MGAT5: variants seen among roughly 807,000 people sequenced by gnomAD.
MGAT5 encodes the protein alpha-1,6-mannosylglycoprotein 6-beta-N-acetylglucosaminyltransferase, also known as alpha-1,6-mannosylglycoprotein 6-beta-N-acetylglucosaminyltransferase A.
A neutral mutation model predicts 94.3 loss-of-function variants in MGAT5; 30 were observed. The observed-to-expected ratio is 0.32, with a 90% CI of 0.24 to 0.43. The LOEUF (loss-of-function observed/expected upper bound fraction) is 0.43, where lower values mean the gene tolerates loss of function less well. Ranked by LOEUF, MGAT5 falls within the 20% of genes least tolerant of loss-of-function variation. The pLI, the probability that MGAT5 is intolerant of heterozygous loss-of-function variation, is 1.00. For missense variants in MGAT5, 691 were observed against 905.5 expected, an observed-to-expected ratio of 0.76 and a Z score of 3.04; for synonymous variants, 310 against 322.9, an observed-to-expected ratio of 0.96 and a Z score of 0.43.
intron 1 of MGAT5, among the ~76,000 whole-genome samples, chr2:134,234,027 G>A (rs761511771): frequency 1.3e-4 from 20 of 152,210 alleles, no homozygotes; most frequent in Non-Finnish European, 2.2e-4. Flanking sequence ...AAATCAGAAC[G>A]CTAGATGCTA....
intron 9 of MGAT5, among the ~76,000 whole-genome samples, chr2:134,354,463 T>C (rs1364434783): frequency 1.3e-5 from 2 of 152,180 alleles, no homozygotes; most frequent in Non-Finnish European, 2.9e-5. Flanking sequence ...TGAGGAACAG[T>C]GAAATGAAAT....
intron 11 of MGAT5, among the ~76,000 whole-genome samples, chr2:134,410,082 T>C (rs2118843): frequency 0.83 from 125,668 of 152,198 alleles, 54,135 homozygotes; most frequent in Non-Finnish European, 0.94. Flanking sequence ...TTGGCACTTA[T>C]GTACATTCTT....
chr2:134,300,492 G>A (rs1685948959), intron 2 of MGAT5, among the ~76,000 whole-genome samples: 1 of 152,052 alleles, frequency 6.6e-6, no homozygotes, highest in South Asian at 2.1e-4. Flanking sequence ...TCAGCTTTGG[G>A]CCCAACACTA....
intron 1 of MGAT5, among the ~76,000 whole-genome samples, chr2:134,164,724 A>G (rs1411229714): frequency 6.6e-6 from 1 of 151,852 alleles, no homozygotes; most frequent in Non-Finnish European, 1.5e-5. Flanking sequence ...AAAAGATGAG[A>G]TGTGCTGAGA....
intron 2 of MGAT5, among the ~76,000 whole-genome samples, chr2:134,275,024 C>T (rs147195856): frequency 6.6e-6 from 1 of 152,332 alleles, no homozygotes; most frequent in East Asian, 1.9e-4. Flanking sequence ...CTTTGTGCTG[C>T]TAATGGACCT....
intron 1 of MGAT5, among the ~76,000 whole-genome samples, chr2:134,197,479 T>C (rs1475115367): frequency 6.6e-6 from 1 of 152,204 alleles, no homozygotes; most frequent in Admixed American, 6.5e-5. Context: ...AAAATTGGGA[T>C]TTGAGATTAA....
Position 134,336,308 on chromosome 2 carries a change from T to G in MGAT5, c.645+20T>G. 6.2e-7 allele frequency: 1 copy of G among 1,603,414 alleles called. No homozygotes were observed. The highest frequency in any genetic ancestry group is 8.5e-7 in the Non-Finnish European group (1 of 1,171,308). On this transcript the variant is annotated intron_variant, in intron 5 of 15. Coordinates refer to ENST00000281923, the MANE Select transcript of MGAT5 (RefSeq NM_002410.5). The stretch of plus-strand genomic sequence containing the variant: ...TCATTGGTAAGTGATTTTGGAAAAC[T>G]CTTTCTAGACTTGTGCATTTAGGTC...
chr2:134,373,953 C>A (rs1322272776), intron 10 of MGAT5, among the ~76,000 whole-genome samples: 1 of 152,188 alleles, frequency 6.6e-6, no homozygotes, highest in Non-Finnish European at 1.5e-5. Context: ...TTCAGACACA[C>A]CAAAAATAGG....
intron 2 of MGAT5, among the ~76,000 whole-genome samples, chr2:134,278,314 G>A (rs1684500085): frequency 6.6e-6 from 1 of 152,210 alleles, no homozygotes; most frequent in Admixed American, 6.5e-5. Context: ...TGAGGGCAGA[G>A]ATGGATGGTC....
chr2:134,379,336 T>C (rs1681392095), intron 10 of MGAT5, among the ~76,000 whole-genome samples: 1 of 152,234 alleles, frequency 6.6e-6, no homozygotes, highest in South Asian at 2.1e-4. Flanking sequence ...TTTGTTCTTT[T>C]AGGAATAAAA....
At chr2:134,362,620 AG>A (rs1354436607) in intron 10 of MGAT5, among the ~76,000 whole-genome samples, 2 of 152,182 alleles carry the variant, frequency 1.3e-5, no homozygotes, top group Non-Finnish European at 1.5e-5. Flanking sequence ...GCTGTACAAC[AG>A]CCACCTTCAC....
At chr2:134,252,451 G>A (rs1682667279), upstream of MGAT5, among the ~76,000 whole-genome samples, 1 of 152,190 alleles carries the variant, frequency 6.6e-6, no homozygotes, top group Admixed American at 6.5e-5. Flanking sequence ...TGGAATGTAT[G>A]GGTCTGGAAT....
chr2:134,144,366 G>A (rs1024449840), intron 1 of MGAT5, among the ~76,000 whole-genome samples: 10 of 152,132 alleles, frequency 6.6e-5, no homozygotes, highest in African/African-American at 1.9e-4. Context: ...GAGGCGGGAG[G>A]TGCTACATGC....
intron 11 of MGAT5, among the ~76,000 whole-genome samples, chr2:134,411,805 A>G (rs1303039510): frequency 6.6e-6 from 1 of 152,226 alleles, no homozygotes; most frequent in Non-Finnish European, 1.5e-5. Flanking sequence ...TAGTTGAGCC[A>G]TCTCCTTCAT....
At chr2:134,285,179 A>G (rs1439438208) in intron 2 of MGAT5, among the ~76,000 whole-genome samples, 1 of 152,188 alleles carries the variant, frequency 6.6e-6, no homozygotes, top group Admixed American at 6.5e-5. Flanking sequence ...CAAGTTATGT[A>G]GGAAATTTGG....
chr2:134,133,274 A>T (rs1181984667), intron 1 of MGAT5, among the ~76,000 whole-genome samples: 1 of 152,264 alleles, frequency 6.6e-6, no homozygotes, highest in Non-Finnish European at 1.5e-5. Context: ...GAATTTTTTT[A>T]AAACTCAGAT....
intron 1 of MGAT5, among the ~76,000 whole-genome samples, chr2:134,191,687 TTCTC>T (rs1303730339): frequency 7.7e-6 from 1 of 130,320 alleles, no homozygotes; most frequent in East Asian, 2.6e-4. Flanking sequence ...CTCCTCCTCT[TTCTC>T]CTGGCGTGAG....
chr2:134,298,140 G>T lies in MGAT5; in HGVS notation c.407-19389G>T, dbSNP rs185891264. 1.8e-4 allele frequency among the ~76,000 whole-genome samples: 28 copies of T among 152,200 alleles called. No individual in the cohort carries two copies. The South Asian group carries it at 3.7e-3, about 20-fold the overall frequency. ...AAACAGGATCTCACTCTGTCTCCCA[G>T]GCTGGAGTGCAATAGCGTACTCTTG... is the stretch of plus-strand genomic sequence containing the variant. On this transcript the variant is annotated intron_variant, in intron 2 of 15. Transcript: ENST00000281923.
At chr2:134,203,715 C>G (rs1465049531) in intron 1 of MGAT5, among the ~76,000 whole-genome samples, 1 of 152,036 alleles carries the variant, frequency 6.6e-6, no homozygotes, top group Non-Finnish European at 1.5e-5. Flanking sequence ...TAGACCTCTT[C>G]CTCCATTTAA....
Sources: gnomAD v4.1 joint callset for allele counts (sites outside exome capture counted in the v4.1 genomes callset) on GRCh38, gnomAD v4.1.1 for gene constraint, MANE v1.5 for transcripts, NCBI Gene and HGNC (gene_info 2026-07-23, HGNC 2026-07-21) for gene names.